The following RARB variants were observed in gnomAD, a reference collection of about 807,000 sequenced individuals.
RARB encodes retinoic acid receptor beta, also known as HBV-activated protein.
A neutral mutation model predicts 51.9 loss-of-function variants in RARB; 17 were observed. That is an observed-to-expected ratio of 0.33 (90% CI 0.22 to 0.49). The LOEUF (loss-of-function observed/expected upper bound fraction) is 0.49, where lower values mean the gene tolerates loss of function less well. Ranked by LOEUF, RARB falls within the 20% of genes least tolerant of loss-of-function variation. RARB has a pLI of 0.99. For missense variants in RARB, 369 were observed against 550.8 expected (o/e 0.67, Z 3.30); for synonymous variants, 215 against 195.4 (o/e 1.10, Z -0.84).
chr3:25,561,605 C>T (rs1343272766), intron 3 of RARB, among the ~76,000 whole-genome samples: 1 of 151,996 alleles, frequency 6.6e-6, no homozygotes, highest in African/African-American at 2.4e-5. Flanking sequence ...CTGGGCTGTC[C>T]TCTTTATGGT....
In RARB at chr3:25,486,529, C is replaced by G. The variant is rs112193710; in HGVS notation, c.307-14653C>G. On this transcript the variant is annotated intron_variant, in intron 2 of 7. Coordinates refer to ENST00000330688, the MANE Select transcript of RARB (RefSeq NM_000965.5). Reference sequence around the variant, plus strand: ...CATGTGAGCAAATACTTACTGAATGCCAGGCAAGGTGCTGGATTTGGTGCT... The same window carrying G: ...CATGTGAGCAAATACTTACTGAATGGCAGGCAAGGTGCTGGATTTGGTGCT... 6.1e-4 allele frequency among the ~76,000 whole-genome samples: 93 copies of G among 152,270 alleles called. 1 individual carries two copies. The highest frequency in any genetic ancestry group is 3.4e-3 in the Middle Eastern group (1 of 294).
intron 2 of RARB, among the ~76,000 whole-genome samples, chr3:25,055,167 T>A (rs748231659): frequency 1.3e-5 from 2 of 152,172 alleles, no homozygotes; most frequent in Non-Finnish European, 2.9e-5. Context: ...TTATTCAAAA[T>A]TTAAAATACA....
At chr3:25,223,614 A>G (rs1035641755) in intron 5 of RARB, among the ~76,000 whole-genome samples, 1 of 152,186 alleles carries the variant, frequency 6.6e-6, no homozygotes, top group Non-Finnish European at 1.5e-5. Flanking sequence ...TTAATAAATC[A>G]TTGTTAAATT....
chr3:24,923,543 C>A (rs1231469819), intron 2 of RARB, among the ~76,000 whole-genome samples: 2 of 151,640 alleles, frequency 1.3e-5, no homozygotes, highest in African/African-American at 2.4e-5. Context: ...CATGTAGAGA[C>A]AAAGCTCTAG....
intron 1 of RARB, among the ~76,000 whole-genome samples, chr3:25,430,817 T>C (rs950757872): frequency 3.3e-5 from 5 of 152,208 alleles, no homozygotes; most frequent in Admixed American, 6.5e-5. Context: ...TTAGTTCTTA[T>C]TGTGGTCAGT....
chr3:25,579,035 A>G (rs1701063094), intron 4 of RARB, among the ~76,000 whole-genome samples: 1 of 152,242 alleles, frequency 6.6e-6, no homozygotes, highest in Non-Finnish European at 1.5e-5. Context: ...ACGAAAGTAA[A>G]GCATCAGTGC....
At chr3:25,515,314 T>C (rs1433781720) in intron 3 of RARB, among the ~76,000 whole-genome samples, 1 of 152,198 alleles carries the variant, frequency 6.6e-6, no homozygotes, top group Admixed American at 6.5e-5. Context: ...GGAACTCTCA[T>C]GTGTGGCTTG....
At chr3:25,190,938 C>T (rs1160386740) in intron 5 of RARB, among the ~76,000 whole-genome samples, 1 of 152,082 alleles carries the variant, frequency 6.6e-6, no homozygotes, top group African/African-American at 2.4e-5. Flanking sequence ...AATTAATTCC[C>T]TAAAGGCAAC....
intron 3 of RARB, among the ~76,000 whole-genome samples, chr3:25,097,234 C>A (rs138855304): frequency 1.3e-5 from 2 of 152,218 alleles, no homozygotes; most frequent in East Asian, 3.9e-4. Flanking sequence ...TGGACCGCTT[C>A]TTGGAGGTGA....
At chr3:25,031,083 T>TC (rs1178144482) in intron 2 of RARB, among the ~76,000 whole-genome samples, 2 of 152,176 alleles carry the variant, frequency 1.3e-5, no homozygotes, top group Non-Finnish European at 2.9e-5. Flanking sequence ...CGAAGGGTTG[T>TC]CCCGTGCATT....
chr3:24,905,374 G>A (rs1380646844), intron 2 of RARB, among the ~76,000 whole-genome samples: 1 of 152,170 alleles, frequency 6.6e-6, no homozygotes, highest in African/African-American at 2.4e-5. Context: ...TTCAGCACAA[G>A]ACAAAAATAC....
intron 2 of RARB, among the ~76,000 whole-genome samples, chr3:25,500,265 C>T (rs911043244): frequency 5.3e-5 from 8 of 151,952 alleles, no homozygotes; most frequent in African/African-American, 9.7e-5. Context: ...CCATGTTGGA[C>T]GACATAGCTC....
intron 5 of RARB, among the ~76,000 whole-genome samples, chr3:25,281,554 G>C (rs566994702): frequency 2.0e-5 from 3 of 152,328 alleles, no homozygotes; most frequent in African/African-American, 7.2e-5. Context: ...ACAATCAAAA[G>C]GAAGGGGCAA....
chr3:24,880,812 A>G (rs1703144028), intron 2 of RARB, among the ~76,000 whole-genome samples: 1 of 152,244 alleles, frequency 6.6e-6, no homozygotes, highest in Non-Finnish European at 1.5e-5. Context: ...TGGGACATAT[A>G]GTTACTTTCT....
At chr3:25,507,082 C>T (rs1166661711) in intron 3 of RARB, among the ~76,000 whole-genome samples, 3 of 152,262 alleles carry the variant, frequency 2.0e-5, no homozygotes, top group Non-Finnish European at 2.9e-5. Context: ...CACAGTGCTT[C>T]GCACAAAGCT....
At chr3:25,438,762 C>G (rs1708539302) in intron 1 of RARB, among the ~76,000 whole-genome samples, 1 of 152,100 alleles carries the variant, frequency 6.6e-6, no homozygotes, top group African/African-American at 2.4e-5. Context: ...ATGTTTCATG[C>G]CCTAATAATC....
At chr3:25,151,114 C>T (rs1057431884) in intron 4 of RARB, among the ~76,000 whole-genome samples, 1 of 152,204 alleles carries the variant, frequency 6.6e-6, no homozygotes, top group Admixed American at 6.5e-5. Flanking sequence ...TAAAGCTGGT[C>T]ACACCGCCCA....
chr3:25,476,366 A>C (rs1306169230), intron 2 of RARB, among the ~76,000 whole-genome samples: 1 of 152,114 alleles, frequency 6.6e-6, no homozygotes, highest in Non-Finnish European at 1.5e-5. Context: ...TCCCCTCCCC[A>C]GCAATATCAA....
upstream of RARB, among the ~76,000 whole-genome samples, chr3:25,425,583 C>T (rs1051472563): frequency 6.6e-6 from 1 of 152,058 alleles, no homozygotes; most frequent in Non-Finnish European, 1.5e-5. Context: ...CATTTCAAGG[C>T]CCAAGTTCAT....
Sources: allele counts gnomAD v4.1 joint callset (sites outside exome capture counted in the v4.1 genomes callset), GRCh38; gene constraint gnomAD v4.1.1; transcripts MANE v1.5; gene names NCBI Gene and HGNC (gene_info 2026-07-23, HGNC 2026-07-21).